The following FMN2 variants were observed in gnomAD, a reference collection of about 807,000 sequenced individuals.
FMN2 encodes the protein formin-2.
A neutral mutation model predicts 142.3 loss-of-function variants in FMN2; 51 were observed. The ratio of observed to expected loss-of-function variants is 0.36; its 90% CI spans 0.29 to 0.45. FMN2 has a LOEUF of 0.45. Among genes scored for constraint, FMN2 ranks in the 20% least tolerant of loss-of-function variants. The pLI is 1.00. For synonymous variants in FMN2, 882 were observed against 869.8 expected, an observed-to-expected ratio of 1.01 and a Z score of -0.25; for missense variants, 1,936 against 2,122.8, an observed-to-expected ratio of 0.91 and a Z score of 1.73.
At position 240,230,857 on chromosome 1, in the gene FMN2, C is replaced by T. The variant is rs550198767; in HGVS notation, c.4065+19622C>T. ...CAACAAAAGAAACTAGCATGTTCTT[C>T]ATGCTAGAAGCTAGAATCTGAGTTG... is the stretch of plus-strand genomic sequence containing the variant. On this transcript the variant is annotated intron_variant, in intron 6 of 17. Transcript: ENST00000319653. 1.7e-3 allele frequency among the ~76,000 whole-genome samples: 226 copies of T among 131,964 alleles called. 45 individuals carry two copies. Among genetic ancestry groups the T allele is most frequent in the Non-Finnish European group, 1.6e-3 (98 of 62,976 alleles). 86.6% of individuals were successfully genotyped at this position (131,964 alleles called of 152,430 possible). A position where few individuals can be genotyped will look rare whatever the true frequency, so the allele number is the denominator to read the frequency against.
At chr1:240,437,820 A>G (rs1675451178) in intron 15 of FMN2, among the ~76,000 whole-genome samples, 1 of 152,154 alleles carries the variant, frequency 6.6e-6, no homozygotes, top group Non-Finnish European at 1.5e-5. Context: ...ATTAATTTTG[A>G]AATAGAATTG....
At chr1:240,325,468 T>C (rs1281118544) in intron 8 of FMN2, among the ~76,000 whole-genome samples, 2 of 152,100 alleles carry the variant, frequency 1.3e-5, no homozygotes, top group African/African-American at 2.4e-5. Flanking sequence ...TAAATGCACA[T>C]GTGTATATAT....
chr1:240,469,676 G>T (rs143740962), intron 16 of FMN2, among the ~76,000 whole-genome samples: 1 of 152,112 alleles, frequency 6.6e-6, no homozygotes, highest in African/African-American at 2.4e-5. Flanking sequence ...CTCGGCAGTC[G>T]CTTACTCCAG....
chr1:240,178,117 G>C (rs370697625), intron 3 of FMN2, 49 bp downstream of exon 3: 32 of 1,431,914 alleles, frequency 2.2e-5, no homozygotes, highest in Non-Finnish European at 2.8e-5. Context: ...GCAAGATAGA[G>C]AGAGAGAAGT....
intron 2 of FMN2, among the ~76,000 whole-genome samples, chr1:240,177,364 T>C (rs1370379258): frequency 2.2e-5 from 2 of 89,466 alleles, no homozygotes; most frequent in Non-Finnish European, 4.6e-5. Context: ...TTCAATTCTT[T>C]TTTTTTTTTT....
At chr1:240,271,098 G>GTTTTTTTTTGTTTTTTTTT (rs1668992082) in intron 7 of FMN2, among the ~76,000 whole-genome samples, 1 of 72,244 alleles carries the variant, frequency 1.4e-5, no homozygotes, top group East Asian at 4.7e-4. Flanking sequence ...TTCCACGATG[G>GTTTTTTTTTGTTTTTTTTT]TTTTTTTTTT....
intron 2 of FMN2, among the ~76,000 whole-genome samples, chr1:240,168,381 GT>G (rs1664565762): frequency 6.6e-6 from 1 of 152,050 alleles, no homozygotes; most frequent in African/African-American, 2.4e-5. Context: ...GAGCTCAAGA[GT>G]TTGAGACCAG....
chr1:240,250,874 A>G (rs1668253934), intron 6 of FMN2, among the ~76,000 whole-genome samples: 2 of 151,984 alleles, frequency 1.3e-5, no homozygotes, highest in South Asian at 2.1e-4. Flanking sequence ...ATATTATTGT[A>G]TAGTTGTTCA....
At chr1:240,284,645 T>C (rs1241139165) in intron 7 of FMN2, among the ~76,000 whole-genome samples, 1 of 152,220 alleles carries the variant, frequency 6.6e-6, no homozygotes, top group Non-Finnish European at 1.5e-5. Context: ...GAAATATTTC[T>C]ACTATTAGAT....
At chr1:240,415,561 A>C (rs1674550894) in intron 15 of FMN2, among the ~76,000 whole-genome samples, 1 of 151,956 alleles carries the variant, frequency 6.6e-6, no homozygotes, top group African/African-American at 2.4e-5. Context: ...TCTCCACCTG[A>C]TGTTGGTAAT....
intron 2 of FMN2, among the ~76,000 whole-genome samples, chr1:240,172,195 T>TACACACACACACAC (rs1215830102): frequency 2.9e-5 from 3 of 104,764 alleles, no homozygotes; most frequent in Middle Eastern, 5.2e-3. Flanking sequence ...ATATTACACA[T>TACACACACACACAC]ACACATACAC....
At chr1:240,360,865 G>A (rs371500364) in intron 14 of FMN2, among the ~76,000 whole-genome samples, 5 of 151,512 alleles carry the variant, frequency 3.3e-5, no homozygotes, top group South Asian at 2.1e-4. Context: ...GCAAACTATC[G>A]CAAGGACAAA....
At chr1:240,433,224 TTC>T (rs1675236215) in intron 15 of FMN2, among the ~76,000 whole-genome samples, 1 of 152,204 alleles carries the variant, frequency 6.6e-6, no homozygotes, top group Non-Finnish European at 1.5e-5. Flanking sequence ...CCTGGTTATG[TTC>T]TTTGTCTTGG....
intron 2 of FMN2, chr1:240,145,101 C>T: frequency 2.7e-6 from 4 of 1,472,130 alleles, no homozygotes; most frequent in Non-Finnish European, 3.8e-6. Flanking sequence ...GACTTGGTCA[C>T]CAAAGTCATG....
At chr1:240,243,148 A>C in intron 6 of FMN2, among the ~76,000 whole-genome samples, 1 of 152,134 alleles carries the variant, frequency 6.6e-6, no homozygotes, top group Non-Finnish European at 1.5e-5. Flanking sequence ...AAACCAAAAA[A>C]CAAAAAACCC....
chr1:240,187,581 C>T (rs1350027911), intron 3 of FMN2, among the ~76,000 whole-genome samples: 1 of 152,142 alleles, frequency 6.6e-6, no homozygotes, highest in Non-Finnish European at 1.5e-5. Context: ...AATTTGCACA[C>T]AAGCTTCACT....
At chr1:240,205,456 CTTTTTTTTTTT>C (rs36115091) in intron 4 of FMN2, among the ~76,000 whole-genome samples, 7 of 97,478 alleles carry the variant, frequency 7.2e-5, no homozygotes, top group African/African-American at 2.2e-4. Flanking sequence ...ATGCTCTTTC[CTTTTTTTTTTT>C]TTTTTTTTTT....
intron 4 of FMN2, among the ~76,000 whole-genome samples, chr1:240,196,356 G>C (rs1047762052): frequency 6.6e-6 from 1 of 152,124 alleles, no homozygotes; most frequent in Non-Finnish European, 1.5e-5. Context: ...TGATGGGTTT[G>C]GTAACCATGT....
At chr1:240,119,515 T>C (rs1662153681) in intron 1 of FMN2, among the ~76,000 whole-genome samples, 1 of 152,130 alleles carries the variant, frequency 6.6e-6, no homozygotes, top group South Asian at 2.1e-4. Flanking sequence ...TGGAGACATT[T>C]TGGGCTGTTA....
Sources: gnomAD v4.1 joint callset for allele counts (sites outside exome capture counted in the v4.1 genomes callset) on GRCh38, gnomAD v4.1.1 for gene constraint, MANE v1.5 for transcripts, NCBI Gene and HGNC (gene_info 2026-07-23, HGNC 2026-07-21) for gene names.